TEX11: variants seen among roughly 807,000 people sequenced by gnomAD.
The protein encoded by TEX11 is testis-expressed protein 11.
TEX11 carries 7 observed loss-of-function variants against 84.4 expected under a neutral mutation model. The observed-to-expected ratio is 0.08, with a 90% CI of 0.05 to 0.16. The LOEUF is 0.16. TEX11 is among the 10% of genes least tolerant of loss of function. The pLI, the probability that TEX11 is intolerant of heterozygous loss-of-function variation, is 1.00. For missense variants in TEX11, 551 were observed against 660.5 expected, an observed-to-expected ratio of 0.83 and a Z score of 1.82; for synonymous variants, 264 against 222.8, an observed-to-expected ratio of 1.18 and a Z score of -1.64.
At chrX:70,781,301 C>T in intron 9 of TEX11, among the ~76,000 whole-genome samples, 1 of 111,829 alleles carries the variant, frequency 8.9e-6, no homozygotes, top group African/African-American at 3.2e-5. Context: ...ACCAAAACTC[C>T]ATCTGTAGGT....
chrX:70,713,281 G>C (rs1186979632), intron 13 of TEX11, among the ~76,000 whole-genome samples: 4 of 111,607 alleles, frequency 3.6e-5, no homozygotes, highest in Non-Finnish European at 7.5e-5. Flanking sequence ...ACCAGGCTTT[G>C]GTATCAGGAT....
intron 13 of TEX11, among the ~76,000 whole-genome samples, chrX:70,712,598 T>A (rs1349696149): frequency 5.4e-5 from 6 of 111,314 alleles, no homozygotes; most frequent in Non-Finnish European, 1.1e-4. Flanking sequence ...GTTTGTCTGT[T>A]ATTGGTGTAT....
rs1385775339 is a variant in TEX11, at chrX:70,553,429, G to C, written c.2291-15C>G. Reference sequence around the variant, plus strand: ...CATTGCTATTACTAGAGTAAGAAAAGGAAAAAGGTTGTGAACATGATAATG... The same window carrying C: ...CATTGCTATTACTAGAGTAAGAAAACGAAAAAGGTTGTGAACATGATAATG... On this transcript the variant is annotated splice_polypyrimidine_tract_variant and intron_variant, in intron 26 of 29. Coordinates refer to ENST00000374333, the MANE Select transcript of TEX11 (RefSeq NM_031276.3). 17 of 1,120,148 alleles carry C rather than the reference G, an allele frequency of 1.5e-5. No homozygotes were observed. Among genetic ancestry groups the C allele is most frequent in the Non-Finnish European group, 2.1e-5 (17 of 826,466 alleles). The allele number at this position is 1,120,148 out of a possible 1,213,427, so 92.3% of individuals were successfully genotyped here. A position where few individuals can be genotyped will look rare whatever the true frequency, so the allele number is the denominator to read the frequency against.
intron 10 of TEX11, among the ~76,000 whole-genome samples, chrX:70,742,827 G>T (rs1371877193): frequency 9.1e-6 from 1 of 109,540 alleles, no homozygotes; most frequent in Non-Finnish European, 1.9e-5. Flanking sequence ...CAAACTCCTG[G>T]TTTCATGCAA....
In TEX11 at chrX:70,714,345, C is replaced by T. The variant is rs1026115597; in HGVS notation, c.1004+8273G>A. ...GAGCTGAGTTCAGTTCCTGGATATC[C>T]TTGTTAACTTTCTGTCGTGTTGATC... On this transcript the variant is annotated intron_variant, in intron 13 of 29. Transcript: ENST00000374333. Among the ~76,000 whole-genome samples the T allele has an allele frequency of 5.4e-5, 6 of 110,910 alleles. No individual in the cohort carries two copies. In the Admixed American group the frequency reaches 5.8e-4, roughly 11 times the overall value.
intron 2 of TEX11, among the ~76,000 whole-genome samples, chrX:70,894,353 C>T (rs745742596): frequency 3.6e-5 from 4 of 110,498 alleles, no homozygotes; most frequent in Non-Finnish European, 5.7e-5. Context: ...CCAGGCCAGG[C>T]GCAGTGGCTC....
rs777763941 is a variant in TEX11, at chrX:70,763,038, C to CA, written c.693-18820dup. ...GACAGAGCCAGACCTTGTCTCAAAA[C>CA]AAAAAACAAAGCAAAACAAAAATCT... On this transcript the variant is annotated intron_variant, in intron 9 of 29. Coordinates refer to ENST00000374333, the MANE Select transcript of TEX11 (RefSeq NM_031276.3). 1.7e-3 allele frequency among the ~76,000 whole-genome samples: 191 copies of CA among 111,381 alleles called. 2 individuals carry two copies. The highest frequency in any genetic ancestry group is 2.9e-3 in the Non-Finnish European group (155 of 52,940).
At chrX:70,873,831 C>T (rs1002241074) in intron 3 of TEX11, among the ~76,000 whole-genome samples, 1 of 111,663 alleles carries the variant, frequency 9.0e-6, no homozygotes, top group African/African-American at 3.2e-5. Flanking sequence ...TCTCACTTAC[C>T]ATTTCACATT....
chrX:70,556,192 C>A (rs73216772), intron 25 of TEX11, among the ~76,000 whole-genome samples: 12,749 of 110,441 alleles, frequency 0.12, 620 homozygotes, highest in Middle Eastern at 0.2. Context: ...TTTCTAGTTT[C>A]TTAAGGTGGA....
chrX:70,897,207 T>G (rs1569462998), intron 2 of TEX11, among the ~76,000 whole-genome samples: 8 of 65,729 alleles, frequency 1.2e-4, no homozygotes, highest in East Asian at 3.0e-4. Context: ...ATATATTATA[T>G]ATATATAACA....
intron 1 of TEX11, 102 bp from the exon 2 acceptor site, chrX:70,907,912 GA>G: frequency 7.2e-6 from 4 of 558,194 alleles, no homozygotes; most frequent in Admixed American, 3.4e-5. Flanking sequence ...TCCAAAGGGA[GA>G]AAAAAAGGCT....
intron 28 of TEX11, among the ~76,000 whole-genome samples, chrX:70,532,232 C>T (rs1048832017): frequency 5.4e-5 from 6 of 112,131 alleles, no homozygotes; most frequent in Non-Finnish European, 9.4e-5. Context: ...GTATGTGGAA[C>T]GTTTGCTAAC....
chrX:70,565,218 CTGTT>C (rs1054701589), intron 25 of TEX11, among the ~76,000 whole-genome samples: 2 of 108,583 alleles, frequency 1.8e-5, no homozygotes, highest in African/African-American at 6.8e-5. Flanking sequence ...TGAGAAGTGT[CTGTT>C]CATGTCCTTC....
At chrX:70,688,660 T>G (rs1232246450) in intron 13 of TEX11, among the ~76,000 whole-genome samples, 1 of 109,362 alleles carries the variant, frequency 9.1e-6, no homozygotes, top group Non-Finnish European at 1.9e-5. Flanking sequence ...AAATACTACG[T>G]GTGATACTAT....
chrX:70,907,018 G>A (rs1310822685), intron 2 of TEX11, among the ~76,000 whole-genome samples: 1 of 111,214 alleles, frequency 9.0e-6, no homozygotes, highest in African/African-American at 3.3e-5. Flanking sequence ...AATTGCTTTT[G>A]TTTATTGAGA....
intron 16 of TEX11, among the ~76,000 whole-genome samples, chrX:70,654,710 A>G (rs1319029795): frequency 3.5e-4 from 3 of 8,611 alleles, no homozygotes; most frequent in Non-Finnish European, 2.0e-3. Flanking sequence ...ACTCTGTCTC[A>G]AAAAAAAAAA....
chrX:70,798,031 G>GC (rs781211387), intron 9 of TEX11, among the ~76,000 whole-genome samples: 2 of 102,759 alleles, frequency 1.9e-5, no homozygotes, highest in African/African-American at 7.0e-5. Context: ...AGATGAGGGG[G>GC]GGGGAAAGGC....
intron 29 of TEX11, 39 bp from the exon 30 acceptor site, chrX:70,529,226 A>G: frequency 9.1e-7 from 1 of 1,094,924 alleles, no homozygotes; most frequent in Non-Finnish European, 1.3e-6. Flanking sequence ...TTGAGGGGAA[A>G]AAGAAATGTG....
At chrX:70,533,938 A>C (rs980755008) in intron 28 of TEX11, among the ~76,000 whole-genome samples, 1 of 108,170 alleles carries the variant, frequency 9.2e-6, no homozygotes, top group Non-Finnish European at 1.9e-5. Context: ...CTAAAAATAC[A>C]AAAATTAGCT....
Sources: allele counts gnomAD v4.1 joint callset (sites outside exome capture counted in the v4.1 genomes callset), GRCh38; gene constraint gnomAD v4.1.1; transcripts MANE v1.5; gene names NCBI Gene and HGNC (gene_info 2026-07-23, HGNC 2026-07-21).